Variants in DIP2B observed in about 807,000 individuals in gnomAD.
DIP2B encodes the protein disco-interacting protein 2 homolog B.
In DIP2B, 76 loss-of-function variants were observed where a neutral mutation model predicts 198.0. That is an observed-to-expected ratio of 0.38 (90% CI 0.32 to 0.46). The LOEUF (loss-of-function observed/expected upper bound fraction) is 0.46. DIP2B is among the 20% of genes least tolerant of loss of function. The pLI is 0.99. For synonymous variants in DIP2B, 701 were observed against 739.1 expected (o/e 0.95, Z 0.84); for missense variants, 1,559 against 1,978.4 (o/e 0.79, Z 4.02).
chr12:50,566,300 A>G (rs1419039868), intron 1 of DIP2B, among the ~76,000 whole-genome samples: 1 of 152,098 alleles, frequency 6.6e-6, no homozygotes, highest in Non-Finnish European at 1.5e-5. Flanking sequence ...TTGGCTTCCC[A>G]GACTGCTGAG....
At chr12:50,728,450 G>T in intron 29 of DIP2B, 98 bp from the exon 30 acceptor site, 2 of 1,378,906 alleles carry the variant, frequency 1.5e-6, no homozygotes, top group East Asian at 4.8e-5. Context: ...TTGTTTTGAG[G>T]AGTTTAGGGA....
At chr12:50,716,445 G>A (rs973704351) in intron 23 of DIP2B, among the ~76,000 whole-genome samples, 2 of 152,024 alleles carry the variant, frequency 1.3e-5, no homozygotes, top group African/African-American at 2.4e-5. Flanking sequence ...GGAGAATGGC[G>A]TGAACCTGGG....
intron 13 of DIP2B, 143 bp downstream of exon 13, chr12:50,691,294 T>A: frequency 1.3e-6 from 1 of 796,466 alleles, no homozygotes; most frequent in Non-Finnish European, 1.9e-6. Context: ...GCTTTTGTTT[T>A]CTTCTTCTCA....
chr12:50,724,902 C>A lies in DIP2B; in HGVS notation c.3400+16C>A. On this transcript the variant is annotated intron_variant, in intron 28 of 37. Transcript: ENST00000301180. ...ATTGACACAGGTGAAAGGGAGACTTCTTCTGAGGGTGGAGGGACTGAGAGC... is the reference window on the plus strand; with the variant it reads ...ATTGACACAGGTGAAAGGGAGACTTATTCTGAGGGTGGAGGGACTGAGAGC... 6.2e-7 allele frequency: 1 copy of A among 1,611,760 alleles called. No individual in the cohort carries two copies. Among genetic ancestry groups the A allele is most frequent in the Non-Finnish European group, 8.5e-7 (1 of 1,177,854 alleles).
chr12:50,514,604 CTT>C (rs978604313), intron 1 of DIP2B, among the ~76,000 whole-genome samples: 12 of 152,172 alleles, frequency 7.9e-5, no homozygotes, highest in South Asian at 6.2e-4. Context: ...TACAGTCTCT[CTT>C]TGTTTCTTTC....
intron 2 of DIP2B, among the ~76,000 whole-genome samples, chr12:50,637,370 G>A (rs1031098928): frequency 7.2e-5 from 11 of 152,168 alleles, no homozygotes; most frequent in African/African-American, 2.4e-4. Flanking sequence ...CCCTTTTGCT[G>A]TATCTTTAGC....
intron 1 of DIP2B, among the ~76,000 whole-genome samples, chr12:50,537,660 A>G (rs1002630378): frequency 6.6e-6 from 1 of 152,148 alleles, no homozygotes. Context: ...GTGATTCATC[A>G]GGTGAATCAG....
chr12:50,581,575 T>G (rs913235199), intron 1 of DIP2B, among the ~76,000 whole-genome samples: 2 of 149,202 alleles, frequency 1.3e-5, no homozygotes, highest in Non-Finnish European at 2.9e-5. Flanking sequence ...CCATATACCC[T>G]AGGAGGGGCC....
At chr12:50,637,439 T>C (rs1018451542) in intron 2 of DIP2B, among the ~76,000 whole-genome samples, 5 of 152,220 alleles carry the variant, frequency 3.3e-5, no homozygotes, top group African/African-American at 1.2e-4. Flanking sequence ...ACAAACACCA[T>C]GCTTTTGAAT....
intron 22 of DIP2B, 141 bp from the exon 23 acceptor site, chr12:50,714,254 G>T: frequency 1.3e-6 from 1 of 786,870 alleles, no homozygotes; most frequent in South Asian, 1.8e-5. Flanking sequence ...TAGATATATG[G>T]AATCTTAGTG....
chr12:50,542,542 A>G (rs1190105442), intron 1 of DIP2B, among the ~76,000 whole-genome samples: 1 of 152,210 alleles, frequency 6.6e-6, no homozygotes, highest in Non-Finnish European at 1.5e-5. Context: ...AGACACAGAC[A>G]GGAGAGTGGG....
intron 1 of DIP2B, among the ~76,000 whole-genome samples, chr12:50,529,194 AGGTG>A (rs1229984354): frequency 6.6e-6 from 1 of 152,122 alleles, no homozygotes; most frequent in African/African-American, 2.4e-5. Context: ...CAGGAGGCTG[AGGTG>A]GGAAGATACC....
intron 4 of DIP2B, among the ~76,000 whole-genome samples, chr12:50,666,905 C>A (rs931092250): frequency 4.6e-5 from 7 of 152,084 alleles, no homozygotes; most frequent in African/African-American, 1.7e-4. Flanking sequence ...GCCTGTAGTC[C>A]CAGCTACTCG....
chr12:50,702,535 C>T (rs1213737666), intron 19 of DIP2B, among the ~76,000 whole-genome samples: 2 of 151,850 alleles, frequency 1.3e-5, no homozygotes, highest in Non-Finnish European at 2.9e-5. Flanking sequence ...GCACTCCAGC[C>T]TGAGCAACAG....
chr12:50,538,396 C>T (rs1958289040), intron 1 of DIP2B, among the ~76,000 whole-genome samples: 1 of 152,194 alleles, frequency 6.6e-6, no homozygotes, highest in African/African-American at 2.4e-5. Flanking sequence ...TGCCGATAGT[C>T]AGCATGAATT....
chr12:50,536,973 G>T (rs1958273467), intron 1 of DIP2B, among the ~76,000 whole-genome samples: 1 of 150,966 alleles, frequency 6.6e-6, no homozygotes, highest in Admixed American at 6.6e-5. Flanking sequence ...CAGGACTTTA[G>T]TTCTGACTCT....
At chr12:50,686,833 GT>G in intron 12 of DIP2B, 151 bp downstream of exon 12, 3 of 636,238 alleles carry the variant, frequency 4.7e-6, no homozygotes, top group Non-Finnish European at 5.3e-6. Flanking sequence ...AAAATGCCTT[GT>G]AGTGGATCTT....
chr12:50,634,868 C>T (rs1448767026), intron 2 of DIP2B, among the ~76,000 whole-genome samples: 1 of 152,096 alleles, frequency 6.6e-6, no homozygotes, highest in Non-Finnish European at 1.5e-5. Context: ...CTGGCATTTT[C>T]TTGAGTAAAC....
At chr12:50,666,052 G>A (rs1938746874) in intron 4 of DIP2B, among the ~76,000 whole-genome samples, 1 of 152,206 alleles carries the variant, frequency 6.6e-6, no homozygotes, top group Admixed American at 6.5e-5. Flanking sequence ...AATAGAGTCA[G>A]ATCATTTTAA....
Sources: allele counts gnomAD v4.1 joint callset (sites outside exome capture counted in the v4.1 genomes callset), GRCh38; gene constraint gnomAD v4.1.1; transcripts MANE v1.5; gene names NCBI Gene and HGNC (gene_info 2026-07-23, HGNC 2026-07-21).